Variants in KPNA7 observed in about 807,000 individuals in gnomAD.
KPNA7 encodes the protein karyopherin subunit alpha 7, also known as importin subunit alpha-8.
In KPNA7, 54 loss-of-function variants were observed where a neutral mutation model predicts 53.7. The observed-to-expected ratio is 1.01, with a 90% CI of 0.81 to 1.26. The LOEUF is 1.26. Ranked by LOEUF, KPNA7 falls within the 50% of genes most tolerant of loss-of-function variation. KPNA7 has a pLI of 0.00. For synonymous variants in KPNA7, 276 were observed against 259.3 expected, an observed-to-expected ratio of 1.06 and a Z score of -0.62; for missense variants, 640 against 644.5, an observed-to-expected ratio of 0.99 and a Z score of 0.07.
chr7:99,182,133 T>C (rs1180258264), intron 8 of KPNA7, 68 bp from the exon 9 acceptor site: 2 of 1,271,786 alleles, frequency 1.6e-6, no homozygotes, highest in African/African-American at 3.0e-5. Flanking sequence ...ACCAACTTGG[T>C]TCACTTTCTA....
intron 10 of KPNA7, among the ~76,000 whole-genome samples, chr7:99,174,816 A>ATT (rs796969006): frequency 1.7e-4 from 26 of 149,066 alleles, no homozygotes; most frequent in East Asian, 5.9e-4. Flanking sequence ...CTTATTTATT[A>ATT]TTTTTTTTTT....
At chr7:99,163,350 TGA>T in the KPNA7 span, among the ~76,000 whole-genome samples, 42 of 127,396 alleles carry the variant, frequency 3.3e-4, no homozygotes, top group African/African-American at 1.2e-3. Context: ...ACTATAAATA[TGA>T]GTGTGTGTAT....
chr7:99,168,689 G>A (rs541106840), downstream of KPNA7, among the ~76,000 whole-genome samples: 2 of 151,982 alleles, frequency 1.3e-5, no homozygotes, highest in Admixed American at 6.6e-5. Flanking sequence ...GTAGAGATGG[G>A]ATCTTGCTAT....
chr7:99,160,483 G>A, the KPNA7 span, among the ~76,000 whole-genome samples: 1 of 151,912 alleles, frequency 6.6e-6, no homozygotes, highest in Non-Finnish European at 1.5e-5. Context: ...TAGGGACAGG[G>A]TCTCGCTATG....
At chr7:99,161,658 T>A in the KPNA7 span, among the ~76,000 whole-genome samples, 8 of 152,334 alleles carry the variant, frequency 5.3e-5, no homozygotes, top group South Asian at 1.4e-3. Context: ...GTCTGCCACT[T>A]ACTGAAAGAT....
chr7:99,173,640 G>A lies in KPNA7; in HGVS notation c.*68C>T. On this transcript the variant is annotated 3_prime_UTR_variant, in exon 11 of 11. Transcript: ENST00000327442. ...CACATTTGGGTTACACTAAGATAGA[G>A]GACTGCTGCTTCTTAAAGAAGTTAT... 1.0e-6 allele frequency: 1 copy of A among 958,316 alleles called. No individual in the cohort carries two copies. The highest frequency in any genetic ancestry group is 1.5e-5 in the South Asian group (1 of 65,308). 59.4% of individuals were successfully genotyped at this position (958,316 alleles called of 1,614,324 possible).
At chr7:99,148,194 C>T in the KPNA7 span, among the ~76,000 whole-genome samples, 5 of 152,146 alleles carry the variant, frequency 3.3e-5, no homozygotes, top group East Asian at 9.6e-4. Flanking sequence ...TGCAAAATGT[C>T]AAACAATTCT....
At chr7:99,179,621 G>C (rs1799073697) in intron 9 of KPNA7, among the ~76,000 whole-genome samples, 1 of 151,608 alleles carries the variant, frequency 6.6e-6, no homozygotes, top group African/African-American at 2.4e-5. Flanking sequence ...CTCTTGCTCT[G>C]TTGCCCAAGC....
chr7:99,188,435 A>T lies in KPNA7; in HGVS notation c.765T>A (p.Ser255Arg), dbSNP rs1789745655. The change falls in exon 7 of 11, where the codon AGT (serine) becomes AGA (arginine). Residue 255 changes from serine (S) to arginine (R), a missense_variant. Physicochemically the swap from Ser to Arg is moderately radical, Grantham distance 110. Transcript: ENST00000327442. ...CCCAGCAGGCATCCGAGAGAACCTC[A>T]CTGTCCTGGTGCTGCAGGAGGTGAA... ...ALLHLLQHQD[S>R]EVLSDACWAL... 1 of 1,551,658 alleles carries T rather than the reference A, an allele frequency of 6.4e-7. No homozygotes were observed. The highest frequency in any genetic ancestry group is 8.7e-7 in the Non-Finnish European group (1 of 1,147,000).
chr7:99,204,508 T>A (rs966231828), intron 2 of KPNA7, among the ~76,000 whole-genome samples: 2 of 152,148 alleles, frequency 1.3e-5, no homozygotes, highest in African/African-American at 4.8e-5. Flanking sequence ...CTGAAGACAT[T>A]TCAGGAACAA....
Position 99,188,558 on chromosome 7 carries a change from T to C in KPNA7, c.642A>G (p.Thr214=), listed in dbSNP as rs1789763890. 6.4e-7 allele frequency: 1 copy of C among 1,551,208 alleles called. No individual in the cohort carries two copies. The highest frequency in any genetic ancestry group is 8.7e-7 in the Non-Finnish European group (1 of 1,146,582). Residue 214 remains threonine, a synonymous_variant, in exon 7 of 11, where the codon ACA becomes ACG. Coordinates refer to ENST00000327442, the MANE Select transcript of KPNA7 (RefSeq NM_001145715.3). ...AGGTCCACGTGATGTTCCGCAGAAA[T>C]GTGATCTGTAACAAGGAGACTGCCT... ...LALISPTLPI[T]FLRNITWTLS... is the part of the protein sequence containing the mutation.
the KPNA7 span, among the ~76,000 whole-genome samples, chr7:99,166,625 A>C: frequency 0.92 from 139,185 of 151,834 alleles, 64,041 homozygotes; most frequent in East Asian, 1. Context: ...TTTCTATTTT[A>C]TTTATTTTTT....
At chr7:99,196,495 A>G (rs1584299906) in intron 3 of KPNA7, among the ~76,000 whole-genome samples, 1 of 152,380 alleles carries the variant, frequency 6.6e-6, no homozygotes, top group East Asian at 1.9e-4. Flanking sequence ...ACATAGGCAA[A>G]GAGAAAACTG....
chr7:99,177,860 CT>C (rs35863016), intron 10 of KPNA7, 59 bp downstream of exon 10: 115,489 of 1,528,894 alleles, frequency 0.076, 4,770 homozygotes, highest in African/African-American at 0.15. Flanking sequence ...CAGGGTGACC[CT>C]CTGCAGAGCT....
chr7:99,171,631 C>T (rs551155240), downstream of KPNA7, among the ~76,000 whole-genome samples: 52 of 152,266 alleles, frequency 3.4e-4, no homozygotes, highest in African/African-American at 1.2e-3. Context: ...CATAGTGGCA[C>T]ACATCTGTAG....
downstream of KPNA7, among the ~76,000 whole-genome samples, chr7:99,171,381 G>A (rs1272528665): frequency 6.6e-6 from 1 of 152,096 alleles, no homozygotes; most frequent in East Asian, 1.9e-4. Flanking sequence ...CAGCAGGATC[G>A]CTTGATCCCA....
chr7:99,207,952 G>T (rs1424888731), intron 1 of KPNA7, among the ~76,000 whole-genome samples, 76 bp downstream of exon 1: 1 of 149,524 alleles, frequency 6.7e-6, no homozygotes, highest in African/African-American at 2.5e-5. Flanking sequence ...TTATTTTTTG[G>T]GACCAGAGAA....
chr7:99,147,218 T>TA, the KPNA7 span, among the ~76,000 whole-genome samples: 1 of 152,180 alleles, frequency 6.6e-6, no homozygotes, highest in Non-Finnish European at 1.5e-5. Flanking sequence ...CTGACAATGA[T>TA]ACAGTGATGG....
intron 10 of KPNA7, among the ~76,000 whole-genome samples, chr7:99,175,505 ATTT>A (rs1798867660): frequency 7.3e-6 from 1 of 137,150 alleles, no homozygotes; most frequent in Non-Finnish European, 1.6e-5. Flanking sequence ...TTATTTATTT[ATTT>A]ATTTATTTAT....
Sources: allele counts gnomAD v4.1 joint callset (sites outside exome capture counted in the v4.1 genomes callset), GRCh38; gene constraint gnomAD v4.1.1; transcripts MANE v1.5; gene names NCBI Gene and HGNC (gene_info 2026-07-23, HGNC 2026-07-21).